Variants in VPS13C observed in about 807,000 individuals in gnomAD.
VPS13C encodes the protein intermembrane lipid transfer protein VPS13C.
VPS13C carries 358 observed loss-of-function variants against 456.8 expected under a neutral mutation model. The observed-to-expected ratio is 0.78, with a 90% CI of 0.72 to 0.86. The LOEUF is 0.86. Ranked by LOEUF, VPS13C falls within the 40% of genes least tolerant of loss-of-function variation. The pLI, the probability that VPS13C is intolerant of heterozygous loss-of-function variation, is 0.00. For synonymous variants in VPS13C, 1,578 were observed against 1,486.7 expected (o/e 1.06, Z -1.41); for missense variants, 4,818 against 4,385.4 (o/e 1.10, Z -2.79).
intron 13 of VPS13C, among the ~76,000 whole-genome samples, chr15:62,009,826 A>G (rs2046980830): frequency 1.3e-5 from 2 of 152,182 alleles, no homozygotes. Context: ...TGTTCTAAAA[A>G]TTAAAGAAAC....
chr15:62,033,438 T>C lies in VPS13C; in HGVS notation c.385+3A>G, dbSNP rs368860602. On this transcript the variant is annotated splice_donor_region_variant and intron_variant, in intron 5 of 84. Transcript: ENST00000644861. ...CTAAGTTTATCTCAAAAAAACTTTTTACCTTTTTCTGCTGCTTTTTGAAGG... is the reference window on the plus strand; with the variant it reads ...CTAAGTTTATCTCAAAAAAACTTTTCACCTTTTTCTGCTGCTTTTTGAAGG... 4.1e-5 allele frequency: 66 copies of C among 1,592,170 alleles called. No individual in the cohort carries two copies. The South Asian group carries it at 4.5e-4, about 11-fold the overall frequency.
At chr15:61,992,096 C>T (rs2046240846) in intron 16 of VPS13C, among the ~76,000 whole-genome samples, 2 of 151,952 alleles carry the variant, frequency 1.3e-5, no homozygotes, top group South Asian at 2.1e-4. Context: ...CCAAATTCTT[C>T]CAAATTTTTA....
intron 66 of VPS13C, among the ~76,000 whole-genome samples, chr15:61,897,188 G>A (rs919534356): frequency 4.6e-5 from 7 of 152,160 alleles, no homozygotes; most frequent in South Asian, 2.1e-4. Context: ...TCTAAAGAGC[G>A]GAGCACCTCT....
intron 65 of VPS13C, among the ~76,000 whole-genome samples, chr15:61,908,109 A>C (rs1337232759): frequency 2.0e-5 from 3 of 152,194 alleles, no homozygotes; most frequent in African/African-American, 4.8e-5. Context: ...GCATCTTAAC[A>C]AGACTCCCAG....
In VPS13C at chr15:61,961,721, G is replaced by C. The variant is rs2045214092; in HGVS notation, c.3776C>G (p.Thr1259Ser). ...CCCAAGATCTACCACTACTGCATTG[G>C]TGGAAATAGAAGACTGTGGGATGAC... ...VIVIPQSSIS[T>S]NAVVVDLGLI... is the part of the protein sequence containing the mutation. Residue 1259 changes from threonine (T) to serine (S), a missense_variant, in exon 35 of 85, where the codon ACC (threonine) becomes AGC (serine). Around this residue, in one of 3 missense-constraint regions of VPS13C, gnomAD observed 4,552 missense variants for 4,130.6 expected, o/e 1.10. Coordinates refer to ENST00000644861, the MANE Select transcript of VPS13C (RefSeq NM_020821.3). 5 of 1,613,920 alleles carry C rather than the reference G, an allele frequency of 3.1e-6. No individual in the cohort carries two copies. The highest frequency in any genetic ancestry group is 4.2e-6 in the Non-Finnish European group (5 of 1,179,962).
At chr15:61,961,170 C>T (rs953481585) in intron 35 of VPS13C, among the ~76,000 whole-genome samples, 1 of 151,426 alleles carries the variant, frequency 6.6e-6, no homozygotes, top group Non-Finnish European at 1.5e-5. Context: ...AGGTGGATCA[C>T]CTGAGGTGAG....
intron 48 of VPS13C, chr15:61,935,558 T>C (rs1187091079): frequency 6.6e-6 from 1 of 152,206 alleles, no homozygotes; most frequent in Non-Finnish European, 1.5e-5. Flanking sequence ...GTGAGATCAT[T>C]AATCACATAA....
rs1452329629 is a variant in VPS13C at position 62,013,113 on chromosome 15, GTATAAGC to G, written c.745-1_750del. 1.2e-6 allele frequency: 2 copies of G among 1,604,208 alleles called. No individual in the cohort carries two copies. Among genetic ancestry groups the G allele is most frequent in the Non-Finnish European group, 1.7e-6 (2 of 1,175,240 alleles). On this transcript the variant is annotated splice_acceptor_variant and coding_sequence_variant, in exon 11 of 85. Transcript: ENST00000644861. LOFTEE classifies it high-confidence loss of function. ...CAGTAGGCGCTAAGACTATCAAGTCGTATAAGCTATAAGAGAAAAATGAAAGAGATCA... is the reference window on the plus strand; with the variant it reads ...CAGTAGGCGCTAAGACTATCAAGTCGTATAAGAGAAAAATGAAAGAGATCA...
chr15:62,001,271 C>A (rs1034277398), intron 15 of VPS13C, among the ~76,000 whole-genome samples: 1 of 152,184 alleles, frequency 6.6e-6, no homozygotes, highest in East Asian at 1.9e-4. Context: ...CAGAAGGACA[C>A]TTGGTAAATA....
intron 82 of VPS13C, among the ~76,000 whole-genome samples, chr15:61,857,641 T>C (rs1441946133): frequency 6.6e-6 from 1 of 152,178 alleles, no homozygotes; most frequent in Non-Finnish European, 1.5e-5. Context: ...GGAAATATTT[T>C]AGATTCACGG....
chr15:62,004,340 TG>T (rs1319401144), intron 15 of VPS13C, among the ~76,000 whole-genome samples: 3 of 152,120 alleles, frequency 2.0e-5, no homozygotes, highest in Non-Finnish European at 4.4e-5. Context: ...GATGGTAGTT[TG>T]TATTTCTGTG....
intron 47 of VPS13C, 99 bp downstream of exon 47, chr15:61,940,548 C>T (rs2140254728): frequency 5.9e-6 from 7 of 1,190,324 alleles, no homozygotes; most frequent in East Asian, 2.5e-5. Context: ...TTATCAATAA[C>T]GTAGCAACTC....
At position 61,863,525 on chromosome 15, in the gene VPS13C, G is replaced by A. The variant is rs771138922; in HGVS notation, c.10867C>T (p.His3623Tyr). 1.2e-6 allele frequency: 2 copies of A among 1,611,676 alleles called. No homozygotes were observed. Among genetic ancestry groups the A allele is most frequent in the African/African-American group, 1.3e-5 (1 of 74,798 alleles). ...ESEGSDLLEN[H>Y]IKKLEGETYR... Reference sequence around the variant, plus strand: ...GTCTCTCCTTCCAACTTTTTGATATGATTCTGAAAAGGAAACCAGGCTCTA... The same window carrying A: ...GTCTCTCCTTCCAACTTTTTGATATAATTCTGAAAAGGAAACCAGGCTCTA... The change falls in exon 82 of 85, where the codon CAT (histidine) becomes TAT (tyrosine). Residue 3623 changes from histidine (H) to tyrosine (Y), a missense_variant. Transcript: ENST00000644861.
In VPS13C at chr15:61,854,051, A is replaced by C; in HGVS notation, c.*406T>G. ...AGCAAGACTCGGTCTCAAAAAAAAA[A>C]AAAACCCCAAAAAAACAAAAATAAA... On this transcript the variant is annotated 3_prime_UTR_variant, in exon 85 of 85. Transcript: ENST00000644861. 5.8e-6 allele frequency: 1 copy of C among 172,950 alleles called. No individual in the cohort carries two copies. Among genetic ancestry groups the C allele is most frequent in the Non-Finnish European group, 1.2e-5 (1 of 80,014 alleles). The allele number at this position is 172,950 out of a possible 1,614,324, so 10.7% of individuals were successfully genotyped here.
At chr15:61,936,780 A>C (rs189327390) in intron 47 of VPS13C, 30 bp from the exon 48 acceptor site, 1 of 1,567,074 alleles carries the variant, frequency 6.4e-7, no homozygotes, top group African/African-American at 1.4e-5. Flanking sequence ...TGTTAACTCT[A>C]AGTAATAAAA....
intron 16 of VPS13C, 47 bp from the exon 17 acceptor site, chr15:61,991,849 T>C: frequency 6.3e-7 from 1 of 1,579,420 alleles, no homozygotes; most frequent in Non-Finnish European, 8.6e-7. Context: ...GTTGCCCTCT[T>C]CATTTTCAGG....
intron 23 of VPS13C, 98 bp from the exon 24 acceptor site, chr15:61,977,297 G>T: frequency 1.3e-6 from 1 of 746,132 alleles, no homozygotes; most frequent in Non-Finnish European, 2.0e-6. Context: ...TAAATTGTCA[G>T]ACATTCTATG....
intron 1 of VPS13C, among the ~76,000 whole-genome samples, chr15:62,055,027 A>G (rs2048741110): frequency 6.6e-6 from 1 of 152,226 alleles, no homozygotes; most frequent in East Asian, 1.9e-4. Context: ...AATTATCTAC[A>G]GTGGCAAGGA....
chr15:62,052,001 T>C (rs2048635625), intron 1 of VPS13C, among the ~76,000 whole-genome samples: 2 of 152,348 alleles, frequency 1.3e-5, no homozygotes, highest in Non-Finnish European at 2.9e-5. Context: ...TCTGGTAGTT[T>C]ATCCAAGGTT....
Sources: allele counts gnomAD v4.1 joint callset (sites outside exome capture counted in the v4.1 genomes callset), GRCh38; gene constraint gnomAD v4.1.1; regional missense constraint gnomAD v4.1.1; transcripts MANE v1.5; gene names NCBI Gene and HGNC (gene_info 2026-07-23, HGNC 2026-07-21).